The following ATXN2 variants were observed in gnomAD, a reference collection of about 807,000 sequenced individuals.
The protein encoded by ATXN2 is ataxin 2.
Under a neutral mutation model 138.6 loss-of-function variants are expected in ATXN2, and 37 were observed. The ratio of observed to expected loss-of-function variants is 0.27; its 90% CI spans 0.21 to 0.35. The LOEUF (loss-of-function observed/expected upper bound fraction) is 0.35. ATXN2 is among the 10% of genes least tolerant of loss of function. The pLI, the probability that ATXN2 is intolerant of heterozygous loss-of-function variation, is 1.00. For synonymous variants in ATXN2, 549 were observed against 543.7 expected (o/e 1.01, Z -0.13); for missense variants, 1,216 against 1,480.3 (o/e 0.82, Z 2.93).
chr12:111,576,009 G>C (rs1011075765), intron 1 of ATXN2, among the ~76,000 whole-genome samples: 3 of 152,056 alleles, frequency 2.0e-5, no homozygotes, highest in Admixed American at 6.6e-5. Context: ...TTGAACCTGG[G>C]AGGCGGAGGT....
At chr12:111,565,165 GA>G (rs11330026) in intron 1 of ATXN2, among the ~76,000 whole-genome samples, 15,213 of 146,876 alleles carry the variant, frequency 0.1, 2,531 homozygotes, top group African/African-American at 0.35. Context: ...TCCACCTACT[GA>G]AAAAAAAAAC....
intron 1 of ATXN2, among the ~76,000 whole-genome samples, chr12:111,576,348 T>A (rs902300161): frequency 4.0e-5 from 6 of 151,758 alleles, no homozygotes; most frequent in African/African-American, 1.5e-4. Flanking sequence ...GGAGGCTGAA[T>A]CACCTGAACA....
Position 111,486,887 on chromosome 12 carries a change from T to C in ATXN2, c.2241-63A>G, listed in dbSNP as rs368373398. The C allele has an allele frequency of 3.1e-5, 42 of 1,367,256 alleles. 1 individual carries two copies. In the East Asian group the frequency reaches 8.5e-4, roughly 28 times the overall value. The allele number at this position is 1,367,256 out of a possible 1,614,324, so 84.7% of individuals were successfully genotyped here. A position where few individuals can be genotyped will look rare whatever the true frequency, so the allele number is the denominator to read the frequency against. The stretch of plus-strand genomic sequence containing the variant: ...CTTTACGTTGCTCTAAAATCTTCCA[T>C]ACCTGACAATTTAAAAAAAATTGCT... On this transcript the variant is annotated intron_variant, in intron 15 of 24. Coordinates refer to ENST00000673436, the MANE Select transcript of ATXN2 (RefSeq NM_001372574.1).
chr12:111,472,920 C>G (rs1413939347), intron 18 of ATXN2, among the ~76,000 whole-genome samples: 2 of 152,138 alleles, frequency 1.3e-5, no homozygotes, highest in Non-Finnish European at 2.9e-5. Flanking sequence ...TGTTCTTGAA[C>G]AGGAAGACTC....
Position 111,488,566 on chromosome 12 carries a change from C to T in ATXN2, c.2150G>A (p.Gly717Glu). 6.2e-7 allele frequency: 1 copy of T among 1,614,194 alleles called. No homozygotes were observed. Among genetic ancestry groups the T allele is most frequent in the Admixed American group, 1.7e-5 (1 of 60,016 alleles). Residue 717 changes from glycine to glutamate, a missense_variant, in exon 15 of 25, where the codon GGA becomes GAA. Gly to Glu is a moderately conservative substitution (Grantham distance 98, BLOSUM62 -2). Transcript: ENST00000673436. ...SILSNTEHKRGPEVTSQGVQT... is the reference protein window; with the variant it reads ...SILSNTEHKREPEVTSQGVQT... ...AACCCCTTGGGAAGTGACCTCAGGT[C>T]CCCTCTTGTGCTCCGTGTTACTAAG...
At chr12:111,494,423 CTCT>C (rs1247883085) in intron 14 of ATXN2, among the ~76,000 whole-genome samples, 1 of 147,156 alleles carries the variant, frequency 6.8e-6, no homozygotes, top group Non-Finnish European at 1.5e-5. Context: ...CTTATGTGAT[CTCT>C]TTTTTTTTTT....
At chr12:111,507,499 C>A (rs1879225188) in intron 14 of ATXN2, among the ~76,000 whole-genome samples, 1 of 150,440 alleles carries the variant, frequency 6.6e-6, no homozygotes, top group African/African-American at 2.5e-5. Flanking sequence ...AGGTGGGGGT[C>A]AGCCCCCGCC....
chr12:111,563,775 C>T lies in ATXN2; in HGVS notation c.252-7856G>A, dbSNP rs117448579. On this transcript the variant is annotated intron_variant, in intron 1 of 24. Transcript: ENST00000673436. ...TGTGATTTGTTAACTCTATTTAATG[C>T]ATTGTCCAAGGCATTTTTTAAATAA... Among the ~76,000 whole-genome samples the T allele has an allele frequency of 4.2e-4, 64 of 152,280 alleles. No individual in the cohort carries two copies. In the East Asian group the frequency reaches 0.011, roughly 27 times the overall value.
At chr12:111,482,190 ATT>A (rs1164424839) in intron 18 of ATXN2, among the ~76,000 whole-genome samples, 6,805 of 101,416 alleles carry the variant, frequency 0.067, 442 homozygotes, top group East Asian at 0.5. Context: ...TTTCTCTACT[ATT>A]TTTTTTTTTT....
Position 111,598,376 on chromosome 12 carries a change from CCCTCCAA to C in ATXN2, c.251+401_251+407del. The C allele has an allele frequency of 1.0e-6, 1 of 987,416 alleles. No individual in the cohort carries two copies. Among genetic ancestry groups the C allele is most frequent in the South Asian group, 4.6e-5 (1 of 21,512 alleles). 61.2% of individuals were successfully genotyped at this position (987,416 alleles called of 1,614,324 possible). On this transcript the variant is annotated intron_variant, in intron 1 of 24. Transcript: ENST00000673436. The surrounding 1 kb of genome is among the most constrained non-coding windows in gnomAD (Gnocchi z 4.5). ...GAAAACGCCACCACAGCCTCCAGAC[CCCTCCAA>C]CGTTCACACCTAAACCGGGAGTGGA...
At chr12:111,483,608 C>T (rs1311913588) in intron 18 of ATXN2, among the ~76,000 whole-genome samples, 1 of 151,916 alleles carries the variant, frequency 6.6e-6, no homozygotes, top group Non-Finnish European at 1.5e-5. Context: ...CTGCCCACCT[C>T]GGCTTCCCAG....
intron 5 of ATXN2, among the ~76,000 whole-genome samples, chr12:111,527,807 ACTGATGGCACTAGAAAT>A (rs1880582101): frequency 6.6e-6 from 1 of 152,244 alleles, no homozygotes. Flanking sequence ...GCTGAAAGCT[ACTGATGGCACTAGAAAT>A]CTGACCTTAT....
intron 1 of ATXN2, among the ~76,000 whole-genome samples, chr12:111,565,344 T>C (rs912500525): frequency 6.6e-6 from 1 of 152,204 alleles, no homozygotes; most frequent in Non-Finnish European, 1.5e-5. Flanking sequence ...GTGCTCTCTT[T>C]GCGCCTGTGT....
At chr12:111,535,937 T>G (rs1391408671) in intron 5 of ATXN2, among the ~76,000 whole-genome samples, 3 of 148,082 alleles carry the variant, frequency 2.0e-5, no homozygotes, top group African/African-American at 7.7e-5. Flanking sequence ...GAGGCGGAGC[T>G]TGCAGTGAGC....
In ATXN2 at chr12:111,537,701, GAAAC is replaced by G. The variant is rs369252931; in HGVS notation, c.572-12389_572-12386del. 2.0e-3 allele frequency among the ~76,000 whole-genome samples: 305 copies of G among 152,270 alleles called. 1 individual carries two copies. The highest frequency in any genetic ancestry group is 7.1e-3 in the African/African-American group (293 of 41,556). ...TAGTTGCCTGGAGCTGGGGAAAATTGAAACAAACAGAGAGGAACTGCTAAGGGGT... is the reference window on the plus strand; with the variant it reads ...TAGTTGCCTGGAGCTGGGGAAAATTGAAACAGAGAGGAACTGCTAAGGGGT... On this transcript the variant is annotated intron_variant, in intron 5 of 24. Coordinates refer to ENST00000673436, the MANE Select transcript of ATXN2 (RefSeq NM_001372574.1).
At chr12:111,547,836 A>ATTTTTTTTTTTTTTTT (rs34988312) in intron 5 of ATXN2, among the ~76,000 whole-genome samples, 1 of 100,214 alleles carries the variant, frequency 1.0e-5, no homozygotes, top group Non-Finnish European at 1.9e-5. Context: ...TTGCTTGAGA[A>ATTTTTTTTTTTTTTTT]TTTTTTTTTT....
At chr12:111,579,616 GAACA>G (rs1045438098) in intron 1 of ATXN2, among the ~76,000 whole-genome samples, 3 of 151,188 alleles carry the variant, frequency 2.0e-5, no homozygotes, top group African/African-American at 7.3e-5. Flanking sequence ...ACCACTAGAT[GAACA>G]AACTGGTACA....
chr12:111,529,064 C>G (rs986743010), intron 5 of ATXN2, among the ~76,000 whole-genome samples: 1 of 152,034 alleles, frequency 6.6e-6, no homozygotes, highest in African/African-American at 2.4e-5. Flanking sequence ...AAGCAATCCT[C>G]CCACCTCAGC....
intron 1 of ATXN2, among the ~76,000 whole-genome samples, chr12:111,597,120 G>A (rs1884975247): frequency 7.1e-6 from 1 of 140,124 alleles, no homozygotes; most frequent in Admixed American, 7.3e-5. Context: ...GTTTGGCTAA[G>A]TAGTGTTTGG....
Sources: allele counts gnomAD v4.1 joint callset (sites outside exome capture counted in the v4.1 genomes callset), GRCh38; gene constraint gnomAD v4.1.1; non-coding constraint Gnocchi (gnomAD v3.1); transcripts MANE v1.5; gene names NCBI Gene and HGNC (gene_info 2026-07-23, HGNC 2026-07-21).